Variants in STK33 observed in about 807,000 individuals in gnomAD.
STK33 encodes the protein serine/threonine kinase 33.
STK33 carries 52 observed loss-of-function variants against 58.0 expected under a neutral mutation model. The ratio of observed to expected loss-of-function variants is 0.90; its 90% CI spans 0.72 to 1.13. The LOEUF is 1.13. Ranked by LOEUF, STK33 falls within the 50% of genes most tolerant of loss-of-function variation. The pLI is 0.00. For missense variants in STK33, 630 were observed against 604.2 expected (o/e 1.04, Z -0.45); for synonymous variants, 215 against 200.1 (o/e 1.07, Z -0.63).
intron 14 of STK33, among the ~76,000 whole-genome samples, chr11:8,423,150 GT>G (rs1477662383): frequency 6.6e-6 from 1 of 150,818 alleles, no homozygotes; most frequent in African/African-American, 2.4e-5. Context: ...CCTGTTTTCT[GT>G]TTCTTTCTTA....
At chr11:8,522,750 C>T (rs1251558509) in intron 1 of STK33, among the ~76,000 whole-genome samples, 1 of 152,098 alleles carries the variant, frequency 6.6e-6, no homozygotes, top group Non-Finnish European at 1.5e-5. Flanking sequence ...AAAAAGCCCT[C>T]CCTCTCCCTC....
chr11:8,543,151 A>T (rs1347748495), intron 1 of STK33, among the ~76,000 whole-genome samples: 1 of 152,224 alleles, frequency 6.6e-6, no homozygotes, highest in Non-Finnish European at 1.5e-5. Flanking sequence ...GAGATGAAAA[A>T]TCACATGTCC....
At chr11:8,354,942 C>T in the STK33 span, among the ~76,000 whole-genome samples, 11 of 152,368 alleles carry the variant, frequency 7.2e-5, no homozygotes, top group Admixed American at 2.0e-4. Flanking sequence ...GCCAGCCAGG[C>T]GCAGCCTGAA....
intron 14 of STK33, among the ~76,000 whole-genome samples, chr11:8,429,293 T>A (rs539081362): frequency 6.6e-6 from 1 of 152,222 alleles, no homozygotes; most frequent in African/African-American, 2.4e-5. Flanking sequence ...CCTAAAAATA[T>A]CTGAGAAGAC....
chr11:8,517,321 C>T (rs1335138088), intron 1 of STK33, among the ~76,000 whole-genome samples: 1 of 152,180 alleles, frequency 6.6e-6, no homozygotes, highest in African/African-American at 2.4e-5. Flanking sequence ...CACACCAAAA[C>T]TCCATCTGTA....
At chr11:8,484,384 A>G (rs1950059766) in intron 1 of STK33, among the ~76,000 whole-genome samples, 1 of 152,188 alleles carries the variant, frequency 6.6e-6, no homozygotes, top group Non-Finnish European at 1.5e-5. Context: ...CTCTCAACCT[A>G]ATGCTCCAAA....
chr11:8,447,159 C>T (rs1433988836), intron 11 of STK33, among the ~76,000 whole-genome samples: 2 of 152,086 alleles, frequency 1.3e-5, no homozygotes, highest in African/African-American at 4.8e-5. Flanking sequence ...AGGATATGAA[C>T]AGACACTTTT....
intron 14 of STK33, among the ~76,000 whole-genome samples, chr11:8,426,823 GTTAT>G (rs1254923738): frequency 6.6e-6 from 1 of 151,900 alleles, no homozygotes; most frequent in Non-Finnish European, 1.5e-5. Context: ...CCATATCATT[GTTAT>G]TTCAGTTTCT....
chr11:8,509,894 T>C (rs1952170625), intron 1 of STK33, among the ~76,000 whole-genome samples: 1 of 152,218 alleles, frequency 6.6e-6, no homozygotes, highest in African/African-American at 2.4e-5. Context: ...ATTTTCTTTA[T>C]CCACTCCTTG....
chr11:8,435,861 T>A (rs1263698006), intron 13 of STK33, among the ~76,000 whole-genome samples, 166 bp downstream of exon 13: 2 of 152,224 alleles, frequency 1.3e-5, no homozygotes, highest in Non-Finnish European at 2.9e-5. Context: ...AAAGTTTTGA[T>A]GATGAACAAT....
At chr11:8,461,126 G>A (rs1396710882) in intron 8 of STK33, among the ~76,000 whole-genome samples, 1 of 152,186 alleles carries the variant, frequency 6.6e-6, no homozygotes, top group Non-Finnish European at 1.5e-5. Context: ...TGGTCTCATG[G>A]ATAACTAAGA....
intron 1 of STK33, among the ~76,000 whole-genome samples, chr11:8,563,032 C>T (rs895536328): frequency 5.3e-5 from 8 of 152,132 alleles, no homozygotes; most frequent in African/African-American, 1.9e-4. Context: ...TGAGTTGCTT[C>T]TCAGTTCAAG....
At chr11:8,491,960 G>A (rs1214914057) in intron 1 of STK33, among the ~76,000 whole-genome samples, 1 of 152,132 alleles carries the variant, frequency 6.6e-6, no homozygotes, top group East Asian at 1.9e-4. Flanking sequence ...AACACGGAAA[G>A]GAACAACCAG....
chr11:8,431,707 A>G (rs1366746952), intron 14 of STK33, among the ~76,000 whole-genome samples: 1 of 152,230 alleles, frequency 6.6e-6, no homozygotes, highest in Non-Finnish European at 1.5e-5. Context: ...ATGCACTTTA[A>G]CAATATTAAT....
At chr11:8,541,567 C>T (rs928590369) in intron 1 of STK33, among the ~76,000 whole-genome samples, 1 of 152,090 alleles carries the variant, frequency 6.6e-6, no homozygotes, top group East Asian at 1.9e-4. Context: ...AATAGCTTTT[C>T]CCCCAACTCC....
At chr11:8,430,848 G>A (rs1283333562) in intron 14 of STK33, among the ~76,000 whole-genome samples, 3 of 150,588 alleles carry the variant, frequency 2.0e-5, no homozygotes, top group Non-Finnish European at 4.4e-5. Flanking sequence ...CCTGGCTCAT[G>A]AGCTTTTCCT....
chr11:8,538,476 G>C (rs1296990415), intron 1 of STK33, among the ~76,000 whole-genome samples: 1 of 152,196 alleles, frequency 6.6e-6, no homozygotes, highest in African/African-American at 2.4e-5. Context: ...ATGTATTACT[G>C]TAGCTTTATT....
chr11:8,482,817 C>T (rs1485478581), intron 1 of STK33, among the ~76,000 whole-genome samples: 1 of 152,020 alleles, frequency 6.6e-6, no homozygotes, highest in Non-Finnish European at 1.5e-5. Flanking sequence ...GCAAGCTCCA[C>T]CTCCCGGGTT....
intron 14 of STK33, among the ~76,000 whole-genome samples, chr11:8,414,404 T>C (rs1301233006): frequency 6.6e-6 from 1 of 152,144 alleles, no homozygotes; most frequent in Non-Finnish European, 1.5e-5. Context: ...TTAAATATTT[T>C]TGTTCTTACC....
Sources: allele counts gnomAD v4.1 joint callset (sites outside exome capture counted in the v4.1 genomes callset), GRCh38; gene constraint gnomAD v4.1.1; transcripts MANE v1.5; gene names NCBI Gene and HGNC (gene_info 2026-07-23, HGNC 2026-07-21).